PLCB1: variants seen among roughly 807,000 people sequenced by gnomAD.
PLCB1 encodes 1-phosphatidylinositol 4,5-bisphosphate phosphodiesterase beta-1.
In PLCB1, 46 loss-of-function variants were observed where a neutral mutation model predicts 161.8. That is an observed-to-expected ratio of 0.28 (90% CI 0.22 to 0.36). The LOEUF is 0.36. PLCB1 is among the 10% of genes least tolerant of loss of function. The pLI is 1.00. For synonymous variants in PLCB1, 517 were observed against 503.7 expected, an observed-to-expected ratio of 1.03 and a Z score of -0.35; for missense variants, 1,016 against 1,472.5, an observed-to-expected ratio of 0.69 and a Z score of 5.07.
At position 8,776,350 on chromosome 20, in the gene PLCB1, C is replaced by G. The variant is rs150498375; in HGVS notation, c.3111+1631C>G. On this transcript the variant is annotated intron_variant, in intron 27 of 31. Transcript: ENST00000338037. ...GGATTTGAACCTTGGTCCTCGGGTT[C>G]TAGAGCCCCTGGTTTATAACCATTG... is the stretch of plus-strand genomic sequence containing the variant. 1.3e-3 allele frequency among the ~76,000 whole-genome samples: 194 copies of G among 152,288 alleles called. 1 individual carries two copies. The highest frequency in any genetic ancestry group is 4.5e-3 in the African/African-American group (187 of 41,546).
intron 23 of PLCB1, 123 bp from the exon 24 acceptor site, chr20:8,756,923 A>C (rs1295722881): frequency 1.1e-6 from 1 of 907,112 alleles, no homozygotes; most frequent in Non-Finnish European, 1.6e-6. Flanking sequence ...GGGAGTATCA[A>C]ATTTGATATT....
intron 3 of PLCB1, among the ~76,000 whole-genome samples, chr20:8,548,417 C>G (rs1985647394): frequency 7.2e-6 from 1 of 138,640 alleles, no homozygotes; most frequent in East Asian, 2.4e-4. Flanking sequence ...CCCCTTCTTT[C>G]TTTCCTTCCT....
chr20:8,329,471 A>G (rs1192576275), intron 2 of PLCB1, among the ~76,000 whole-genome samples: 1 of 151,048 alleles, frequency 6.6e-6, no homozygotes, highest in East Asian at 1.9e-4. Context: ...GTTTTTATCC[A>G]CCACATCTAC....
At chr20:8,293,914 GT>G (rs1983505156) in intron 2 of PLCB1, among the ~76,000 whole-genome samples, 1 of 152,188 alleles carries the variant, frequency 6.6e-6, no homozygotes, top group African/African-American at 2.4e-5. Context: ...GGGCGGGTCT[GT>G]GGCAGAAAAG....
chr20:8,732,900 T>C lies in PLCB1; in HGVS notation c.1889-338T>C, dbSNP rs1383642799. Reference sequence around the variant, plus strand: ...TTATATTAATATTTAACATATATTATACAAATATATTATTCTAATATATTT... The same window carrying C: ...TTATATTAATATTTAACATATATTACACAAATATATTATTCTAATATATTT... On this transcript the variant is annotated intron_variant, in intron 18 of 31. Transcript: ENST00000338037. 2.0e-5 allele frequency among the ~76,000 whole-genome samples: 3 copies of C among 147,542 alleles called. No homozygotes were observed. The Admixed American group carries it at 2.0e-4, about 10-fold the overall frequency.
chr20:8,710,472 T>C (rs2123455341), intron 12 of PLCB1, among the ~76,000 whole-genome samples: 1 of 151,832 alleles, frequency 6.6e-6, no homozygotes, highest in African/African-American at 2.4e-5. Context: ...GCACTTTTCT[T>C]TCAGGTATTA....
intron 3 of PLCB1, among the ~76,000 whole-genome samples, chr20:8,446,091 A>G (rs1980811537): frequency 6.6e-6 from 1 of 151,582 alleles, no homozygotes; most frequent in Non-Finnish European, 1.5e-5. Flanking sequence ...AAAGCCTGGC[A>G]GAGACACAGC....
chr20:8,524,564 T>C (rs550407675), intron 3 of PLCB1, among the ~76,000 whole-genome samples: 1 of 152,326 alleles, frequency 6.6e-6, no homozygotes, highest in Admixed American at 6.5e-5. Context: ...CTTTTTCCTT[T>C]TTTAAGCAGG....
At chr20:8,434,106 G>C (rs78543471) in intron 3 of PLCB1, among the ~76,000 whole-genome samples, 1 of 152,162 alleles carries the variant, frequency 6.6e-6, no homozygotes, top group South Asian at 2.1e-4. Context: ...AGCACAATAG[G>C]TGTGATTGTG....
At chr20:8,212,131 C>G (rs1978858489) in intron 2 of PLCB1, among the ~76,000 whole-genome samples, 1 of 151,968 alleles carries the variant, frequency 6.6e-6, no homozygotes, top group Admixed American at 6.6e-5. Flanking sequence ...TATTTTACTT[C>G]TTGTGATAGA....
At chr20:8,473,393 C>T (rs1475501481) in intron 3 of PLCB1, among the ~76,000 whole-genome samples, 1 of 152,142 alleles carries the variant, frequency 6.6e-6, no homozygotes, top group East Asian at 1.9e-4. Flanking sequence ...AATAAGTTCT[C>T]TTCAAATTAG....
At chr20:8,140,704 G>T (rs1369005455) in intron 1 of PLCB1, among the ~76,000 whole-genome samples, 1 of 152,158 alleles carries the variant, frequency 6.6e-6, no homozygotes, top group African/African-American at 2.4e-5. Context: ...TTAAAACTAC[G>T]TCTTCTGGCC....
intron 1 of PLCB1, among the ~76,000 whole-genome samples, chr20:8,140,978 A>T (rs1035559891): frequency 2.6e-5 from 4 of 151,174 alleles, no homozygotes; most frequent in Non-Finnish European, 4.4e-5. Flanking sequence ...TTGTAGTTTT[A>T]GTAGAGATAG....
intron 3 of PLCB1, among the ~76,000 whole-genome samples, chr20:8,431,352 GA>G (rs771497309): frequency 2.0e-5 from 3 of 152,166 alleles, no homozygotes; most frequent in Non-Finnish European, 4.4e-5. Context: ...CTGTTTCCCT[GA>G]ATGGAAACAC....
chr20:8,610,723 A>G (rs562516197), intron 3 of PLCB1, among the ~76,000 whole-genome samples: 3 of 152,166 alleles, frequency 2.0e-5, no homozygotes, highest in East Asian at 1.9e-4. Context: ...ATAAAGTTCA[A>G]TTTATCTATA....
chr20:8,582,311 C>T (rs922649011), intron 3 of PLCB1, among the ~76,000 whole-genome samples: 2 of 152,108 alleles, frequency 1.3e-5, no homozygotes, highest in African/African-American at 2.4e-5. Flanking sequence ...CAGGAGTTGC[C>T]GTGGCTGGAA....
chr20:8,658,779 C>T (rs1989539489), intron 9 of PLCB1, 75 bp downstream of exon 9: 11 of 1,239,934 alleles, frequency 8.9e-6, no homozygotes, highest in Admixed American at 2.4e-5. Flanking sequence ...GAGTTAGGAA[C>T]ACCAGTGATC....
intron 2 of PLCB1, among the ~76,000 whole-genome samples, chr20:8,248,481 G>A (rs1191416730): frequency 6.6e-6 from 1 of 151,922 alleles, no homozygotes; most frequent in African/African-American, 2.4e-5. Context: ...TGTAAAAGCT[G>A]GGAATGGGAG....
Position 8,132,352 on chromosome 20 carries a change from T to A in PLCB1, c.-300T>A, listed in dbSNP as rs1456340263. On this transcript the variant is annotated 5_prime_UTR_variant, in exon 1 of 32. Transcript: ENST00000338037. This position sits in a 1 kb window ranked among gnomAD's most constrained non-coding sequence, Gnocchi z 5.2. Reference sequence around the variant, plus strand: ...GCGGAGGAGCAGAATCCGCCGCGACTGGCAGCCTCGGCTGACCGGCTCGGC... The same window carrying A: ...GCGGAGGAGCAGAATCCGCCGCGACAGGCAGCCTCGGCTGACCGGCTCGGC... The A allele has an allele frequency of 4.1e-6, 1 of 241,118 alleles. No individual in the cohort carries two copies. The highest frequency in any genetic ancestry group is 5.6e-5 in the Admixed American group (1 of 17,712). 14.9% of individuals were successfully genotyped at this position (241,118 alleles called of 1,614,324 possible). A position where few individuals can be genotyped will look rare whatever the true frequency, so the allele number is the denominator to read the frequency against.
Sources: gnomAD v4.1 joint callset for allele counts (sites outside exome capture counted in the v4.1 genomes callset) on GRCh38, gnomAD v4.1.1 for gene constraint, Gnocchi (gnomAD v3.1) non-coding constraint, MANE v1.5 for transcripts, NCBI Gene and HGNC (gene_info 2026-07-23, HGNC 2026-07-21) for gene names.